The following CLMP variants were observed in gnomAD, a reference collection of about 807,000 sequenced individuals.
CLMP encodes CXADR like cell adhesion molecule, also known as CXADR-like membrane protein.
In CLMP, 27 loss-of-function variants were observed where a neutral mutation model predicts 45.2. That is an observed-to-expected ratio of 0.60 (90% CI 0.44 to 0.82). The LOEUF (loss-of-function observed/expected upper bound fraction) is 0.82. CLMP is among the 40% of genes least tolerant of loss of function. The pLI, the probability that CLMP is intolerant of heterozygous loss-of-function variation, is 0.00. For missense variants in CLMP, 403 were observed against 448.4 expected, an observed-to-expected ratio of 0.90 and a Z score of 0.91; for synonymous variants, 167 against 171.4, an observed-to-expected ratio of 0.97 and a Z score of 0.20.
At chr11:123,093,051 G>A (rs1160655929) in intron 2 of CLMP, among the ~76,000 whole-genome samples, 1 of 151,634 alleles carries the variant, frequency 6.6e-6, no homozygotes, top group Non-Finnish European at 1.5e-5. Context: ...GGGACTACAG[G>A]CACCCGCCAT....
At chr11:123,100,271 C>T (rs1409260616) in intron 1 of CLMP, among the ~76,000 whole-genome samples, 1 of 151,934 alleles carries the variant, frequency 6.6e-6, no homozygotes, top group Non-Finnish European at 1.5e-5. Context: ...ATCCCAGCTA[C>T]TCCAGAGGCT....
intron 1 of CLMP, among the ~76,000 whole-genome samples, chr11:123,105,532 G>A (rs1369111127): frequency 3.3e-5 from 5 of 151,642 alleles, no homozygotes; most frequent in African/African-American, 1.2e-4. Context: ...CTGGGTTCAA[G>A]CGATTCTCCT....
chr11:123,139,776 A>G (rs1361872085), intron 1 of CLMP, among the ~76,000 whole-genome samples: 1 of 152,150 alleles, frequency 6.6e-6, no homozygotes, highest in Non-Finnish European at 1.5e-5. Flanking sequence ...AGATTGCGCT[A>G]CTGCACTCCA....
At chr11:123,178,538 G>C (rs1861728654) in intron 1 of CLMP, among the ~76,000 whole-genome samples, 1 of 152,166 alleles carries the variant, frequency 6.6e-6, no homozygotes, top group African/African-American at 2.4e-5. Flanking sequence ...CTATAAAATG[G>C]AGTTATTTGA....
At chr11:123,109,985 T>G (rs1010689012) in intron 1 of CLMP, among the ~76,000 whole-genome samples, 1 of 152,080 alleles carries the variant, frequency 6.6e-6, no homozygotes, top group East Asian at 1.9e-4. Flanking sequence ...GTGAACAAAT[T>G]ATGAAGATGG....
rs1396688326 is a variant in CLMP at position 123,194,894 on chromosome 11, C to G, written c.28+19G>C. 6.2e-7 allele frequency: 1 copy of G among 1,613,452 alleles called. No homozygotes were observed. The highest frequency in any genetic ancestry group is 8.5e-7 in the Non-Finnish European group (1 of 1,179,640). ...TTGCCCACGGCCATCCAAACTCCCG[C>G]CCTCCCAGAGGCACTCACCTAGCAA... is the stretch of plus-strand genomic sequence containing the variant. On this transcript the variant is annotated intron_variant, in intron 1 of 6. Transcript: ENST00000448775.
chr11:123,113,862 T>C (rs1565386115), intron 1 of CLMP, among the ~76,000 whole-genome samples: 1 of 152,216 alleles, frequency 6.6e-6, no homozygotes, highest in Non-Finnish European at 1.5e-5. Flanking sequence ...TCCTTGATAA[T>C]ATGCTATTTA....
In CLMP at chr11:123,073,051, T is replaced by C. The variant is rs1307350857; in HGVS notation, c.*423A>G. ...GCTTGACTGTCTGAATAACTAATAA[T>C]CCAATAAGTTTGCAGAAATGCATAG... On this transcript the variant is annotated 3_prime_UTR_variant, in exon 7 of 7. Coordinates refer to ENST00000448775, the MANE Select transcript of CLMP (RefSeq NM_024769.5). The C allele has an allele frequency of 6.0e-6, 1 of 165,454 alleles. No individual in the cohort carries two copies. 10.2% of individuals were successfully genotyped at this position (165,454 alleles called of 1,614,324 possible).
chr11:123,091,383 G>T (rs998835193), intron 2 of CLMP, among the ~76,000 whole-genome samples: 2 of 152,202 alleles, frequency 1.3e-5, no homozygotes, highest in Non-Finnish European at 2.9e-5. Flanking sequence ...GGGATTACAG[G>T]CATGAGCCAC....
At position 123,195,106 on chromosome 11, in the gene CLMP, T is replaced by A; in HGVS notation, c.-166A>T. On this transcript the variant is annotated 5_prime_UTR_variant, in exon 1 of 7. Coordinates refer to ENST00000448775, the MANE Select transcript of CLMP (RefSeq NM_024769.5). ...GAGCCGGCCCCGCGCCCCGTGCCCC[T>A]GGGGGCAGATGGGCTCCCGGCGCTC... 5.1e-6 allele frequency: 2 copies of A among 393,704 alleles called. No homozygotes were observed. The highest frequency in any genetic ancestry group is 8.3e-6 in the Non-Finnish European group (2 of 241,032). 24.4% of individuals were successfully genotyped at this position (393,704 alleles called of 1,614,324 possible).
rs1865687692 is a variant in CLMP at position 123,072,685 on chromosome 11, G to A, written c.*789C>T. 6.6e-6 allele frequency: 1 copy of A among 151,958 alleles called. No individual in the cohort carries two copies. Among genetic ancestry groups the A allele is most frequent in the Admixed American group, 6.6e-5 (1 of 15,248 alleles). 9.4% of individuals were successfully genotyped at this position (151,958 alleles called of 1,614,324 possible). A position where few individuals can be genotyped will look rare whatever the true frequency, so the allele number is the denominator to read the frequency against. Reference sequence around the variant, plus strand: ...GTCCTTAGAGGCATCTGATTTGAGGGGAAATCCACAATTGCTCCATTATAT... The same window carrying A: ...GTCCTTAGAGGCATCTGATTTGAGGAGAAATCCACAATTGCTCCATTATAT... On this transcript the variant is annotated 3_prime_UTR_variant, in exon 7 of 7. Transcript: ENST00000448775.
chr11:123,084,416 G>C (rs1865840439), intron 3 of CLMP, 96 bp downstream of exon 3: 1 of 991,478 alleles, frequency 1.0e-6, no homozygotes, highest in East Asian at 2.4e-5. Context: ...CCAAAGTACT[G>C]AACATGATGT....
chr11:123,136,241 G>A (rs1861068820), intron 1 of CLMP: 1 of 652,234 alleles, frequency 1.5e-6, no homozygotes, highest in Non-Finnish European at 3.0e-6. Flanking sequence ...GGTAGCTACT[G>A]CGTATTTTTC....
At chr11:123,087,860 T>G (rs894054887) in intron 2 of CLMP, among the ~76,000 whole-genome samples, 4 of 151,620 alleles carry the variant, frequency 2.6e-5, no homozygotes, top group Non-Finnish European at 5.9e-5. Flanking sequence ...TTGTAGGGTG[T>G]TGTTGGCCCC....
At position 123,093,003 on chromosome 11, in the gene CLMP, G is replaced by T. The variant is rs538662163; in HGVS notation, c.186+4792C>A. Among the ~76,000 whole-genome samples the T allele has an allele frequency of 2.0e-5, 3 of 151,210 alleles. No homozygotes were observed. The East Asian group carries it at 5.9e-4, about 30-fold the overall frequency. ...GCTCACTGCAACCTCCTCATCCCAG[G>T]TTCAAGCGATTCTCCTGCCTCAGCC... On this transcript the variant is annotated intron_variant, in intron 2 of 6. Transcript: ENST00000448775.
chr11:123,167,604 A>C (rs1336812071), intron 1 of CLMP, among the ~76,000 whole-genome samples: 1 of 152,180 alleles, frequency 6.6e-6, no homozygotes, highest in Non-Finnish European at 1.5e-5. Flanking sequence ...ATGTCTTTTT[A>C]GTGAAGCTTG....
chr11:123,134,706 G>T (rs12287615), intron 1 of CLMP, among the ~76,000 whole-genome samples: 41,320 of 151,512 alleles, frequency 0.27, 6,350 homozygotes, highest in African/African-American at 0.43. Flanking sequence ...TACTCAGGAG[G>T]CTGAGGCACA....
In CLMP at chr11:123,189,842, A is replaced by T. The variant is rs112632191; in HGVS notation, c.28+5071T>A. 5.2e-3 allele frequency among the ~76,000 whole-genome samples: 794 copies of T among 152,178 alleles called. 8 individuals are homozygous for T. Among genetic ancestry groups the T allele is most frequent in the African/African-American group, 0.017 (705 of 41,518 alleles). ...ATGGTGAAACCCCATCTCTATTAAA[A>T]ATACAAAAAATTAGCTGGGCGTGAT... On this transcript the variant is annotated intron_variant, in intron 1 of 6. Transcript: ENST00000448775.
intron 2 of CLMP, 126 bp downstream of exon 2, chr11:123,097,669 A>T: frequency 1.4e-6 from 1 of 713,726 alleles, no homozygotes; most frequent in Non-Finnish European, 2.3e-6. Flanking sequence ...AAAGTCTTTC[A>T]AGTAGAAGCC....
Sources: allele counts gnomAD v4.1 joint callset (sites outside exome capture counted in the v4.1 genomes callset), GRCh38; gene constraint gnomAD v4.1.1; transcripts MANE v1.5; gene names NCBI Gene and HGNC (gene_info 2026-07-23, HGNC 2026-07-21).